The following STK10 variants were observed in gnomAD, a reference collection of about 807,000 sequenced individuals.
STK10 encodes the protein serine/threonine kinase 10, also known as serine/threonine-protein kinase 10.
In STK10, 78 loss-of-function variants were observed where a neutral mutation model predicts 113.8. That is an observed-to-expected ratio of 0.69 (90% CI 0.57 to 0.83). The LOEUF is 0.83. STK10 is among the 40% of genes least tolerant of loss of function. STK10 has a pLI of 0.00. For missense variants in STK10, 1,109 were observed against 1,280.1 expected (o/e 0.87, Z 2.04); for synonymous variants, 465 against 494.7 (o/e 0.94, Z 0.80).
intron 4 of STK10, among the ~76,000 whole-genome samples, chr5:172,111,482 G>A (rs944841523): frequency 7.2e-5 from 11 of 152,184 alleles, no homozygotes; most frequent in Admixed American, 1.3e-4. Context: ...TGCCCCACAC[G>A]ATGGGGCCCA....
intron 12 of STK10, among the ~76,000 whole-genome samples, chr5:172,066,766 G>C (rs1470800552): frequency 7.2e-5 from 11 of 152,206 alleles, no homozygotes; most frequent in Non-Finnish European, 1.5e-5. Flanking sequence ...CAGCCTGAGG[G>C]ACAGAGCGAG....
rs187012378 is a variant in STK10, at chr5:172,111,971, G to T, written c.521-4119C>A. 7.3e-4 allele frequency among the ~76,000 whole-genome samples: 111 copies of T among 152,292 alleles called. 1 individual carries two copies. The highest frequency in any genetic ancestry group is 2.5e-3 in the African/African-American group (105 of 41,558). On this transcript the variant is annotated intron_variant, in intron 4 of 18. Coordinates refer to ENST00000176763, the MANE Select transcript of STK10 (RefSeq NM_005990.4). ...CTAAAACCAGATCTATAATATATAT[G>T]GATGCTTATAAAAGCAACAGCCAAA...
intron 3 of STK10, among the ~76,000 whole-genome samples, chr5:172,122,597 A>G (rs1452986114): frequency 1.3e-5 from 2 of 152,154 alleles, no homozygotes; most frequent in Non-Finnish European, 2.9e-5. Flanking sequence ...CCACGATAAG[A>G]GGGTGGAGAC....
chr5:172,149,516 G>GTGTC (rs1554122684), intron 2 of STK10, among the ~76,000 whole-genome samples: 1 of 148,312 alleles, frequency 6.7e-6, no homozygotes, highest in Non-Finnish European at 1.5e-5. Context: ...GTGTGTGTGT[G>GTGTC]TGTGTCTGTG....
chr5:172,141,413 C>CA (rs1487772424), intron 2 of STK10, among the ~76,000 whole-genome samples: 7 of 149,558 alleles, frequency 4.7e-5, no homozygotes, highest in Non-Finnish European at 1.0e-4. Flanking sequence ...CTCGTATCTA[C>CA]AAAAAATACA....
At chr5:172,070,315 A>G (rs1768149826) in intron 12 of STK10, among the ~76,000 whole-genome samples, 1 of 151,264 alleles carries the variant, frequency 6.6e-6, no homozygotes, top group African/African-American at 2.4e-5. Flanking sequence ...TCATAATGAA[A>G]TCAAACTAAA....
intron 4 of STK10, among the ~76,000 whole-genome samples, chr5:172,112,546 A>G (rs555946729): frequency 8.2e-5 from 12 of 146,840 alleles, no homozygotes; most frequent in Middle Eastern, 3.7e-3. Context: ...TCAGCCTCCC[A>G]AGTAGCTGGC....
chr5:172,163,522 A>T (rs1770508571), intron 1 of STK10, among the ~76,000 whole-genome samples: 1 of 152,188 alleles, frequency 6.6e-6, no homozygotes, highest in Non-Finnish European at 1.5e-5. Context: ...CAAACCGTTA[A>T]GGCCAGCGTT....
chr5:172,112,416 C>CTTTT (rs1159424183), intron 4 of STK10, among the ~76,000 whole-genome samples: 102 of 103,012 alleles, frequency 9.9e-4, no homozygotes, highest in Non-Finnish European at 1.4e-3. Context: ...AGGGACCTTA[C>CTTTT]TTTTTTTTTT....
At chr5:172,054,840 C>T (rs1033416408) in intron 16 of STK10, 146 bp from the exon 17 acceptor site, 2 of 1,219,716 alleles carry the variant, frequency 1.6e-6, no homozygotes, top group Non-Finnish European at 2.3e-6. Flanking sequence ...CAGGCTGTGC[C>T]CGTGTTAAGT....
At chr5:172,126,352 G>T (rs1323857882) in intron 3 of STK10, among the ~76,000 whole-genome samples, 1 of 152,146 alleles carries the variant, frequency 6.6e-6, no homozygotes, top group East Asian at 1.9e-4. Context: ...ATCACCCAAG[G>T]TCAGGAGTTC....
chr5:172,049,442 T>C (rs1373478861), intron 18 of STK10, among the ~76,000 whole-genome samples: 1 of 152,042 alleles, frequency 6.6e-6, no homozygotes, highest in East Asian at 1.9e-4. Context: ...GGGAACAGGC[T>C]GGGCAAAAGC....
chr5:172,074,908 A>G (rs1768274815), intron 12 of STK10, among the ~76,000 whole-genome samples: 1 of 151,944 alleles, frequency 6.6e-6, no homozygotes, highest in African/African-American at 2.4e-5. Flanking sequence ...AATCCCAGTT[A>G]CTTGGGAGGC....
chr5:172,112,455 A>G (rs1048255431), intron 4 of STK10, among the ~76,000 whole-genome samples: 13 of 131,718 alleles, frequency 9.9e-5, no homozygotes, highest in African/African-American at 3.8e-4. Context: ...AGAGTCTCGC[A>G]TGTCACCCAG....
intron 2 of STK10, among the ~76,000 whole-genome samples, chr5:172,145,557 C>T (rs1482557225): frequency 6.6e-6 from 1 of 152,228 alleles, no homozygotes; most frequent in East Asian, 1.9e-4. Flanking sequence ...AACCCCCAGC[C>T]TTCCCGGATT....
chr5:172,126,271 T>C (rs1395715886), intron 3 of STK10, among the ~76,000 whole-genome samples: 4 of 152,250 alleles, frequency 2.6e-5, no homozygotes, highest in South Asian at 4.1e-4. Context: ...ACCTTTCAAG[T>C]GTCAGCCCAA....
At chr5:172,145,463 GGCGGTGGCCACTGCAGGCAGAGCAC>G (rs1770067125) in intron 2 of STK10, among the ~76,000 whole-genome samples, 1 of 152,242 alleles carries the variant, frequency 6.6e-6, no homozygotes. Context: ...GGCAGTGTGG[GGCGGTGGCCACTGCAGGCAGAGCAC>G]GCGCTGGCCC....
chr5:172,093,650 G>A lies in STK10; in HGVS notation c.1316C>T (p.Pro439Leu), dbSNP rs199527490. 97 of 1,614,228 alleles carry A rather than the reference G, an allele frequency of 6.0e-5. No homozygotes were observed. The Admixed American group carries it at 1.3e-3, about 22-fold the overall frequency. Residue 439 changes from proline to leucine, a missense_variant, in exon 9 of 19, where the codon CCA (proline) becomes CTA (leucine). Physicochemically the swap from Pro to Leu is moderately conservative, Grantham distance 98. Transcript: ENST00000176763. The surrounding 1 kb of genome is among the most constrained non-coding windows in gnomAD (Gnocchi z 4.1). The part of the protein sequence containing the change: ...QVAEQGGDLS[P>L]AANRSQKASQ... ...GGCCTTTTGAGATCTGTTGGCTGCT[G>A]GGCTGAGGTCCCCACCCTGCTCAGC...
At chr5:172,097,493 G>C (rs2113752571) in intron 7 of STK10, among the ~76,000 whole-genome samples, 1 of 152,368 alleles carries the variant, frequency 6.6e-6, no homozygotes, top group South Asian at 2.1e-4. Flanking sequence ...CAGCTTCCTA[G>C]AAACAGAGCA....
Sources: allele counts gnomAD v4.1 joint callset (sites outside exome capture counted in the v4.1 genomes callset), GRCh38; gene constraint gnomAD v4.1.1; non-coding constraint Gnocchi (gnomAD v3.1); transcripts MANE v1.5; gene names NCBI Gene and HGNC (gene_info 2026-07-23, HGNC 2026-07-21).